KHDRBS1: variants seen among roughly 807,000 people sequenced by gnomAD.
KHDRBS1 encodes KH RNA binding domain containing, signal transduction associated 1.
Under a neutral mutation model 48.4 loss-of-function variants are expected in KHDRBS1, and 7 were observed. The ratio of observed to expected loss-of-function variants is 0.14; its 90% CI spans 0.08 to 0.27. The LOEUF is 0.27. KHDRBS1 is among the 10% of genes least tolerant of loss of function. The pLI is 1.00. For synonymous variants in KHDRBS1, 241 were observed against 235.8 expected (o/e 1.02, Z -0.20); for missense variants, 458 against 601.2 (o/e 0.76, Z 2.49).
chr1:32,048,430 A>G (rs904900900), downstream of KHDRBS1, among the ~76,000 whole-genome samples: 1 of 152,200 alleles, frequency 6.6e-6, no homozygotes, highest in African/African-American at 2.4e-5. Context: ...GGATCACTTG[A>G]GTCGAGGAGT....
intron 1 of KHDRBS1, among the ~76,000 whole-genome samples, chr1:32,022,656 C>T (rs1317177386): frequency 2.0e-5 from 3 of 151,976 alleles, no homozygotes; most frequent in South Asian, 2.1e-4. Context: ...TTTGGGAGGC[C>T]GAGGCAGGTG....
chr1:32,045,608 ACT>A (rs964971449), downstream of KHDRBS1, among the ~76,000 whole-genome samples: 1 of 152,062 alleles, frequency 6.6e-6, no homozygotes, highest in African/African-American at 2.4e-5. Flanking sequence ...GTTGAATCCC[ACT>A]CTGTTTATCC....
At chr1:32,032,962 A>G (rs1487839410) in intron 3 of KHDRBS1, among the ~76,000 whole-genome samples, 2 of 152,220 alleles carry the variant, frequency 1.3e-5, no homozygotes, top group Admixed American at 1.3e-4. Flanking sequence ...TCCTGGGATT[A>G]TAGGCGTGAG....
At chr1:32,034,980 C>CA (rs1191929332) in intron 4 of KHDRBS1, among the ~76,000 whole-genome samples, 1,529 of 72,828 alleles carry the variant, frequency 0.021, 13 homozygotes, top group African/African-American at 0.035. Context: ...GGCTCTGTCT[C>CA]AAAAAAAAAA....
At chr1:32,020,341 G>A (rs142932754) in intron 1 of KHDRBS1, among the ~76,000 whole-genome samples, 4 of 150,256 alleles carry the variant, frequency 2.7e-5, no homozygotes, top group Admixed American at 1.3e-4. Context: ...TGGAAGAATC[G>A]CTTGAACCCA....
At chr1:32,025,686 CCCTGCCTCCCTT>C (rs1205926257) in intron 1 of KHDRBS1, among the ~76,000 whole-genome samples, 1 of 140,770 alleles carries the variant, frequency 7.1e-6, no homozygotes, top group Non-Finnish European at 1.5e-5. Flanking sequence ...TTCATCCCCT[CCCTGCCTCCCTT>C]CCTGCCCCCT....
chr1:32,014,817 G>C (rs993466429), intron 1 of KHDRBS1, among the ~76,000 whole-genome samples: 1 of 152,200 alleles, frequency 6.6e-6, no homozygotes, highest in African/African-American at 2.4e-5. Flanking sequence ...GGGAGGGACC[G>C]TGGGAGGAAG....
At chr1:32,038,718 A>G in intron 7 of KHDRBS1, 99 bp downstream of exon 7, 1 of 1,193,368 alleles carries the variant, frequency 8.4e-7, no homozygotes, top group Non-Finnish European at 1.2e-6. Flanking sequence ...AAGGAGCAGA[A>G]TGGTTCGCCT....
At chr1:32,042,432 A>T in intron 8 of KHDRBS1, 95 bp from the exon 9 acceptor site, 2 of 753,702 alleles carry the variant, frequency 2.7e-6, no homozygotes, top group Non-Finnish European at 4.6e-6. Flanking sequence ...GAAGAAACTC[A>T]GTGTTTTTGG....
chr1:32,032,737 A>G (rs949927057), intron 3 of KHDRBS1, among the ~76,000 whole-genome samples: 5 of 150,700 alleles, frequency 3.3e-5, no homozygotes, highest in Non-Finnish European at 5.9e-5. Flanking sequence ...GCCTTGCTCT[A>G]TTGCCCAGGC....
chr1:32,014,062 C>G lies in KHDRBS1; in HGVS notation c.67C>G (p.Pro23Ala), dbSNP rs750816164. Residue 23 changes from proline to alanine, a missense_variant, in exon 1 of 9, where the codon CCC becomes GCC. Pro to Ala is a conservative substitution (Grantham distance 27, BLOSUM62 -1). Transcript: ENST00000327300. Reference sequence around the variant, plus strand: ...TTCGGGCCGTAGCGGCTCCATGGACCCCTCCGGTGCCCACCCCTCGGTGCG... The same window carrying G: ...TTCGGGCCGTAGCGGCTCCATGGACGCCTCCGGTGCCCACCCCTCGGTGCG... ...RSSGRSGSMDPSGAHPSVRQT... is the reference protein window; with the variant it reads ...RSSGRSGSMDASGAHPSVRQT... 7.3e-6 allele frequency: 11 copies of G among 1,498,698 alleles called. No homozygotes were observed. The highest frequency in any genetic ancestry group is 9.7e-6 in the Non-Finnish European group (11 of 1,133,042). 92.8% of individuals were successfully genotyped at this position (1,498,698 alleles called of 1,614,324 possible). A position where few individuals can be genotyped will look rare whatever the true frequency, so the allele number is the denominator to read the frequency against.
At chr1:32,017,753 A>T (rs1182510264) in intron 1 of KHDRBS1, among the ~76,000 whole-genome samples, 1 of 151,764 alleles carries the variant, frequency 6.6e-6, no homozygotes, top group African/African-American at 2.4e-5. Context: ...GATTATAGGC[A>T]TGTGCCACCA....
At chr1:32,055,372 T>C (rs1421849391) in intron 10 of KHDRBS1, among the ~76,000 whole-genome samples, 3 of 151,978 alleles carry the variant, frequency 2.0e-5, no homozygotes, top group African/African-American at 7.2e-5. Context: ...TGCTTGAACC[T>C]GGGAGGCGGA....
intron 1 of KHDRBS1, among the ~76,000 whole-genome samples, chr1:32,025,370 A>G (rs1317246922): frequency 1.5e-5 from 2 of 129,810 alleles, no homozygotes; most frequent in African/African-American, 6.1e-5. Context: ...GCACGATCTC[A>G]GCTCACTGTG....
chr1:32,038,497 C>T, intron 6 of KHDRBS1, 55 bp from the exon 7 acceptor site: 1 of 1,561,576 alleles, frequency 6.4e-7, no homozygotes. Flanking sequence ...AATTACCTTT[C>T]CTACTCTCTA....
intron 1 of KHDRBS1, among the ~76,000 whole-genome samples, chr1:32,028,296 GC>G: frequency 6.6e-6 from 1 of 151,876 alleles, no homozygotes; most frequent in East Asian, 1.9e-4. Context: ...TCCCAGACTG[GC>G]TTTGAAGCCC....
At chr1:32,048,302 G>T (rs1639378991), downstream of KHDRBS1, among the ~76,000 whole-genome samples, 1 of 152,144 alleles carries the variant, frequency 6.6e-6, no homozygotes, top group African/African-American at 2.4e-5. Flanking sequence ...GAGGCCAGGA[G>T]TTCAAGACAA....
intron 4 of KHDRBS1, 104 bp from the exon 5 acceptor site, chr1:32,036,806 G>T (rs1639193156): frequency 1.6e-6 from 2 of 1,247,642 alleles, no homozygotes; most frequent in East Asian, 2.5e-5. Flanking sequence ...CCTCATCTGG[G>T]CTCTCAAGAG....
At chr1:32,056,037 G>C (rs955013711) in intron 10 of KHDRBS1, among the ~76,000 whole-genome samples, 1 of 152,154 alleles carries the variant, frequency 6.6e-6, no homozygotes, top group African/African-American at 2.4e-5. Context: ...AGAGAGACAT[G>C]TATCTGGAAG....
Sources: gnomAD v4.1 joint callset for allele counts (sites outside exome capture counted in the v4.1 genomes callset) on GRCh38, gnomAD v4.1.1 for gene constraint, MANE v1.5 for transcripts, NCBI Gene and HGNC (gene_info 2026-07-23, HGNC 2026-07-21) for gene names.